The following CDC20B variants were observed in gnomAD, a reference collection of about 807,000 sequenced individuals.
CDC20B encodes cell division cycle protein 20 homolog B.
In CDC20B, 58 loss-of-function variants were observed where a neutral mutation model predicts 64.1. The ratio of observed to expected loss-of-function variants is 0.90; its 90% CI spans 0.73 to 1.13. CDC20B has a LOEUF of 1.13. Ranked by LOEUF, CDC20B falls within the 50% of genes most tolerant of loss-of-function variation. The pLI is 0.00. For missense variants in CDC20B, 597 were observed against 633.0 expected, an observed-to-expected ratio of 0.94 and a Z score of 0.61; for synonymous variants, 243 against 230.6, an observed-to-expected ratio of 1.05 and a Z score of -0.49.
intron 9 of CDC20B, 82 bp downstream of exon 9, chr5:55,124,721 T>C (rs895897432): frequency 8.6e-7 from 1 of 1,161,916 alleles, no homozygotes; most frequent in African/African-American, 1.5e-5. Context: ...AAATATTGGC[T>C]TAATGATTTT....
chr5:55,163,121 T>C (rs1483616649), intron 2 of CDC20B, among the ~76,000 whole-genome samples: 2 of 152,200 alleles, frequency 1.3e-5, no homozygotes, highest in African/African-American at 2.4e-5. Context: ...ATTTTAGTTA[T>C]AATTATTATA....
chr5:55,161,114 A>C, intron 2 of CDC20B: 1 of 1,614,128 alleles, frequency 6.2e-7, no homozygotes, highest in Non-Finnish European at 8.5e-7. Flanking sequence ...TTTTCCCTGC[A>C]ATCAGTTTGG....
At chr5:55,126,466 C>CACAAAAAAAA (rs1742893848) in intron 8 of CDC20B, 3 of 95,330 alleles carry the variant, frequency 3.1e-5, no homozygotes, top group African/African-American at 1.9e-4. Context: ...GATTCCATGT[C>CACAAAAAAAA]AAAAAAAAAA....
At chr5:55,146,376 T>C (rs894835283) in intron 3 of CDC20B, among the ~76,000 whole-genome samples, 3 of 152,244 alleles carry the variant, frequency 2.0e-5, no homozygotes, top group Non-Finnish European at 4.4e-5. Flanking sequence ...AACGGTTCTT[T>C]GCACAATTAA....
chr5:55,166,740 A>G (rs542162230), intron 2 of CDC20B: 3 of 152,388 alleles, frequency 2.0e-5, no homozygotes, highest in African/African-American at 7.2e-5. Context: ...AAAAATATCA[A>G]CATCAGAGCC....
rs767883088 is a variant in CDC20B, at chr5:55,143,619, G to A, written c.380C>T (p.Thr127Ile). ...TGTTTCAGAAATTCCTTTGCTGGGG[G>A]TCTTCAGTTGTTCTTTGCGGGATCC... ...TLGSRKEQLK[T>I]PSKGISETSN... Residue 127 changes from threonine (T) to isoleucine (I), a missense_variant, in exon 4 of 12, where the codon ACC becomes ATC. By Grantham distance (89) the Thr-to-Ile change is moderately conservative. This residue lies in a region of CDC20B where 241 missense variants were observed against 219.2 expected (regional missense o/e 1.10). Coordinates refer to ENST00000381375, the MANE Select transcript of CDC20B (RefSeq NM_001170402.1). 11 of 1,602,582 alleles carry A rather than the reference G, an allele frequency of 6.9e-6. No homozygotes were observed. In the African/African-American group the frequency reaches 1.1e-4, roughly 16 times the overall value.
intron 3 of CDC20B, among the ~76,000 whole-genome samples, chr5:55,146,066 C>G (rs1365513856): frequency 6.6e-6 from 1 of 152,044 alleles, no homozygotes; most frequent in Non-Finnish European, 1.5e-5. Flanking sequence ...CTAACCAATG[C>G]AAGTCTCAAA....
chr5:55,147,174 TGTTTTATATATTTATATATTATATAA>T (rs1290087799), intron 2 of CDC20B, among the ~76,000 whole-genome samples: 3 of 115,816 alleles, frequency 2.6e-5, no homozygotes, highest in Non-Finnish European at 3.7e-5. Context: ...ATAAATATGT[TGTTTTATATATTTATATATTATATAA>T]ACATAAATAT....
In CDC20B at chr5:55,134,653, TTGGG is replaced by T. The variant is rs1289392673; in HGVS notation, c.581-1129_581-1126del. Among the ~76,000 whole-genome samples, 3 of 152,208 alleles carry T rather than the reference TTGGG, an allele frequency of 2.0e-5. No homozygotes were observed. In the East Asian group the frequency reaches 5.8e-4, roughly 29 times the overall value. ...GGTACATGCCTGTAGTCCCAGCTACTTGGGTGGCTTAGGTGGGAGGATCACTTGA... is the reference window on the plus strand; with the variant it reads ...GGTACATGCCTGTAGTCCCAGCTACTTGGCTTAGGTGGGAGGATCACTTGA... On this transcript the variant is annotated intron_variant, in intron 5 of 11. Coordinates refer to ENST00000381375, the MANE Select transcript of CDC20B (RefSeq NM_001170402.1).
At position 55,128,448 on chromosome 5, in the gene CDC20B, T is replaced by C. The variant is rs1742949009; in HGVS notation, c.867A>G (p.Ala289=). 6.2e-7 allele frequency: 1 copy of C among 1,604,762 alleles called. No homozygotes were observed. Residue 289 remains alanine (A), a synonymous_variant, in exon 7 of 12, where the codon GCA becomes GCG. Transcript: ENST00000381375. ...VSWIKEGTCL[A]VGTSEGEVQL... ...GCACTTCTCCCTCGCTGGTGCCAAC[T>C]GCCAGGCAAGTTCCCTCTTTTATCC...
chr5:55,166,333 G>C (rs553421882), intron 2 of CDC20B: 1 of 152,250 alleles, frequency 6.6e-6, no homozygotes, highest in African/African-American at 2.4e-5. Context: ...GATAAAGTGG[G>C]TTTCTTCACT....
At chr5:55,160,899 G>A in intron 2 of CDC20B, 2 of 1,272,606 alleles carry the variant, frequency 1.6e-6, no homozygotes, top group South Asian at 1.5e-5. Context: ...AGAGGTTATA[G>A]TCCCCCCCAA....
intron 9 of CDC20B, among the ~76,000 whole-genome samples, chr5:55,122,643 G>A (rs953295583): frequency 1.3e-5 from 2 of 152,168 alleles, no homozygotes; most frequent in Non-Finnish European, 2.9e-5. Context: ...TGCAAAATTA[G>A]GTTATATTAA....
At chr5:55,164,179 G>C (rs1331774026) in intron 2 of CDC20B, 2 of 1,573,568 alleles carry the variant, frequency 1.3e-6, no homozygotes, top group African/African-American at 1.4e-5. Context: ...TAGCAGCTCT[G>C]GTTAGACAAG....
chr5:55,146,890 G>A, intron 2 of CDC20B, 34 bp from the exon 3 acceptor site: 1 of 1,533,362 alleles, frequency 6.5e-7, no homozygotes, highest in East Asian at 2.2e-5. Context: ...TAAGTCCACT[G>A]GCCTCAGTGA....
Position 55,147,579 on chromosome 5 carries a change from TA to T in CDC20B, c.127-724del, listed in dbSNP as rs372270269. On this transcript the variant is annotated intron_variant, in intron 2 of 11. Transcript: ENST00000381375. Reference sequence around the variant, plus strand: ...TTATATGTATTTATGTGTAAAATGTTATTTTTTTATGTTTATATGTGAAATA... The same window carrying T: ...TTATATGTATTTATGTGTAAAATGTTTTTTTTTATGTTTATATGTGAAATA... Among the ~76,000 whole-genome samples, 93 of 150,312 alleles carry T rather than the reference TA, an allele frequency of 6.2e-4. No homozygotes were observed. The East Asian group carries it at 0.017, about 27-fold the overall frequency.
intron 2 of CDC20B, among the ~76,000 whole-genome samples, chr5:55,149,445 A>G (rs336089): frequency 0.8 from 122,029 of 152,174 alleles, 48,964 homozygotes; most frequent in Middle Eastern, 0.85. Flanking sequence ...GGTGCAGACA[A>G]CCCAAACACT....
At chr5:55,120,241 T>A (rs2111799062) in intron 10 of CDC20B, among the ~76,000 whole-genome samples, 184 bp downstream of exon 10, 1 of 152,230 alleles carries the variant, frequency 6.6e-6, no homozygotes, top group Middle Eastern at 3.4e-3. Context: ...AAAACACAAA[T>A]TATATTAACT....
chr5:55,119,696 A>T, intron 11 of CDC20B, 105 bp downstream of exon 11: 1 of 709,988 alleles, frequency 1.4e-6, no homozygotes, highest in Non-Finnish European at 2.5e-6. Flanking sequence ...TGAAATGTGT[A>T]CTTAGAAAAA....
Sources: allele counts gnomAD v4.1 joint callset (sites outside exome capture counted in the v4.1 genomes callset), GRCh38; gene constraint gnomAD v4.1.1; regional missense constraint gnomAD v4.1.1; transcripts MANE v1.5; gene names NCBI Gene and HGNC (gene_info 2026-07-23, HGNC 2026-07-21).